Variants in IKZF2 observed in about 807,000 individuals in gnomAD.
IKZF2 encodes zinc finger protein Helios.
Under a neutral mutation model 49.2 loss-of-function variants are expected in IKZF2, and 15 were observed. The ratio of observed to expected loss-of-function variants is 0.30; its 90% CI spans 0.20 to 0.47. The LOEUF (loss-of-function observed/expected upper bound fraction) is 0.47, where lower values mean the gene tolerates loss of function less well. IKZF2 is among the 20% of genes least tolerant of loss of function. IKZF2 has a pLI of 1.00. For missense variants in IKZF2, 567 were observed against 664.6 expected, an observed-to-expected ratio of 0.85 and a Z score of 1.61; for synonymous variants, 227 against 221.4, an observed-to-expected ratio of 1.03 and a Z score of -0.23.
At chr2:213,041,384 T>A (rs13424888) in intron 6 of IKZF2, among the ~76,000 whole-genome samples, 86,497 of 151,066 alleles carry the variant, frequency 0.57, 25,696 homozygotes, top group East Asian at 0.76. Context: ...CCCAGGCTGG[T>A]GTCCGCCTCC....
At chr2:213,120,030 C>T (rs1191147871) in intron 4 of IKZF2, among the ~76,000 whole-genome samples, 1 of 152,216 alleles carries the variant, frequency 6.6e-6, no homozygotes, top group Admixed American at 6.5e-5. Flanking sequence ...AACTCCATCT[C>T]TCTTTCTTCA....
intron 6 of IKZF2, among the ~76,000 whole-genome samples, chr2:213,039,101 C>A (rs1295829871): frequency 6.6e-6 from 1 of 151,750 alleles, no homozygotes; most frequent in Non-Finnish European, 1.5e-5. Flanking sequence ...CTTAAAAATG[C>A]ATGTTAGTTT....
chr2:213,151,197 C>T (rs1214882991), intron 1 of IKZF2, among the ~76,000 whole-genome samples: 1 of 152,006 alleles, frequency 6.6e-6, no homozygotes, highest in East Asian at 1.9e-4. Flanking sequence ...TCCATCCCTC[C>T]CAGAGAAAAA....
intron 6 of IKZF2, among the ~76,000 whole-genome samples, chr2:213,029,894 G>A (rs996937066): frequency 3.3e-5 from 5 of 151,972 alleles, no homozygotes; most frequent in African/African-American, 1.2e-4. Context: ...CACTGAGCTA[G>A]GTAATAAAAT....
rs539647411 is a variant in IKZF2, at chr2:213,147,896, G to T, written c.35-84C>A. The T allele has an allele frequency of 4.5e-6, 4 of 893,336 alleles. No individual in the cohort carries two copies. The African/African-American group carries it at 6.5e-5, about 15-fold the overall frequency. The allele number at this position is 893,336 out of a possible 1,614,324, so 55.3% of individuals were successfully genotyped here. A position where few individuals can be genotyped will look rare whatever the true frequency, so the allele number is the denominator to read the frequency against. On this transcript the variant is annotated intron_variant, in intron 3 of 8. Coordinates refer to ENST00000434687, the MANE Select transcript of IKZF2 (RefSeq NM_001387220.1). Reference sequence around the variant, plus strand: ...CTAACTTTGCTTTATACACGCAATGGCATGCATAGCCTTCAAACTGTAAGG... The same window carrying T: ...CTAACTTTGCTTTATACACGCAATGTCATGCATAGCCTTCAAACTGTAAGG...
At chr2:213,088,038 G>A (rs910253355) in intron 4 of IKZF2, among the ~76,000 whole-genome samples, 2 of 152,186 alleles carry the variant, frequency 1.3e-5, no homozygotes, top group Non-Finnish European at 2.9e-5. Flanking sequence ...GGATGGCTGG[G>A]TCAAATGATA....
At chr2:213,081,499 G>A (rs903612913) in intron 4 of IKZF2, among the ~76,000 whole-genome samples, 6 of 152,112 alleles carry the variant, frequency 3.9e-5, no homozygotes, top group Non-Finnish European at 5.9e-5. Flanking sequence ...TACACTAATA[G>A]ATGTGTGGAC....
chr2:213,008,179 T>C, intron 8 of IKZF2, 95 bp from the exon 9 acceptor site: 1 of 1,348,684 alleles, frequency 7.4e-7, no homozygotes, highest in South Asian at 1.6e-5. Flanking sequence ...CGAAGTTGAC[T>C]GATTGCCTCC....
At chr2:213,091,367 T>C (rs893215741) in intron 4 of IKZF2, among the ~76,000 whole-genome samples, 5 of 152,132 alleles carry the variant, frequency 3.3e-5, no homozygotes, top group Admixed American at 6.6e-5. Flanking sequence ...TGGAGAAATA[T>C]GTAGGAAATA....
In IKZF2 at chr2:213,008,715, C is replaced by T. The variant is rs754626725; in HGVS notation, c.857-631G>A. Among the ~76,000 whole-genome samples the T allele has an allele frequency of 1.3e-3, 190 of 151,950 alleles. 1 individual carries two copies. The highest frequency in any genetic ancestry group is 2.1e-3 in the Non-Finnish European group (141 of 67,946). On this transcript the variant is annotated intron_variant, in intron 8 of 8. Transcript: ENST00000434687. Reference sequence around the variant, plus strand: ...TCAAGGAGAATAGGAGGAAGAATACCCAGTAAAAACAAGTCAGAGACTATG... The same window carrying T: ...TCAAGGAGAATAGGAGGAAGAATACTCAGTAAAAACAAGTCAGAGACTATG...
chr2:213,128,981 T>C (rs1389011458), intron 4 of IKZF2, among the ~76,000 whole-genome samples: 1 of 151,848 alleles, frequency 6.6e-6, no homozygotes, highest in Non-Finnish European at 1.5e-5. Flanking sequence ...GTTGTTGTAC[T>C]ACTCTCTCCC....
intron 6 of IKZF2, among the ~76,000 whole-genome samples, chr2:213,043,709 C>G (rs117057902): frequency 6.6e-6 from 1 of 152,304 alleles, no homozygotes; most frequent in East Asian, 1.9e-4. Flanking sequence ...AGGTCCCTTG[C>G]ATGCGCAGTT....
chr2:213,126,325 T>C lies in IKZF2; in HGVS notation c.139+21383A>G, dbSNP rs1009411267. On this transcript the variant is annotated intron_variant, in intron 4 of 8. Coordinates refer to ENST00000434687, the MANE Select transcript of IKZF2 (RefSeq NM_001387220.1). ...TATGTTATGTGTGTTGATTTCTGCC[T>C]TTCTTTCTCTAAAATCTAAGCTCCT... 2.6e-5 allele frequency among the ~76,000 whole-genome samples: 4 copies of C among 152,302 alleles called. No homozygotes were observed. In the South Asian group the frequency reaches 6.2e-4, roughly 24 times the overall value.
In IKZF2 at chr2:213,002,777, A is replaced by G. The variant is rs1695016839; in HGVS notation, c.*4583T>C. ...CAGATTAGAAAATACAGATTCCAAG[A>G]CTAGAACAATACTAGTCTGGAGATG... On this transcript the variant is annotated 3_prime_UTR_variant, in exon 9 of 9. Coordinates refer to ENST00000434687, the MANE Select transcript of IKZF2 (RefSeq NM_001387220.1). The G allele has an allele frequency of 6.6e-6, 1 of 151,966 alleles. No homozygotes were observed. Among genetic ancestry groups the G allele is most frequent in the Non-Finnish European group, 1.5e-5 (1 of 67,558 alleles). The allele number at this position is 151,966 out of a possible 1,614,324, so 9.4% of individuals were successfully genotyped here. A position where few individuals can be genotyped will look rare whatever the true frequency, so the allele number is the denominator to read the frequency against.
chr2:213,022,069 C>T lies in IKZF2; in HGVS notation c.636G>A (p.Glu212=). Residue 212 remains glutamate (E), a synonymous_variant, in exon 7 of 9, where the codon GAG becomes GAA. Coordinates refer to ENST00000434687, the MANE Select transcript of IKZF2 (RefSeq NM_001387220.1). ...GRSYKQRSSL[E]EHKERCHNYL... Reference sequence around the variant, plus strand: ...AGTTGTGGCAGCGTTCCTTGTGCTCCTCCAGTGAACTGCGCTGCTTGTAGC... The same window carrying T: ...AGTTGTGGCAGCGTTCCTTGTGCTCTTCCAGTGAACTGCGCTGCTTGTAGC... 1 of 1,613,868 alleles carries T rather than the reference C, an allele frequency of 6.2e-7. No individual in the cohort carries two copies. The highest frequency in any genetic ancestry group is 8.5e-7 in the Non-Finnish European group (1 of 1,179,820).
At chr2:213,035,251 A>G (rs1698891394) in intron 6 of IKZF2, among the ~76,000 whole-genome samples, 1 of 138,184 alleles carries the variant, frequency 7.2e-6, no homozygotes, top group African/African-American at 2.5e-5. Flanking sequence ...TAAGTGGAAA[A>G]TCTTTTTTTT....
At chr2:213,022,334 T>C (rs748533825) in intron 6 of IKZF2, among the ~76,000 whole-genome samples, 6 of 152,184 alleles carry the variant, frequency 3.9e-5, no homozygotes, top group Non-Finnish European at 8.8e-5. Context: ...ATCGTACCTC[T>C]GGCAACAGGG....
chr2:213,085,262 A>G (rs965120225), intron 4 of IKZF2, among the ~76,000 whole-genome samples: 1 of 152,224 alleles, frequency 6.6e-6, no homozygotes, highest in African/African-American at 2.4e-5. Flanking sequence ...AAGAGCAATT[A>G]AATATTTTTC....
intron 5 of IKZF2, among the ~76,000 whole-genome samples, chr2:213,052,687 G>A (rs1023622901): frequency 6.6e-6 from 1 of 151,982 alleles, no homozygotes; most frequent in Non-Finnish European, 1.5e-5. Flanking sequence ...AGTATACATA[G>A]TTATATTCCA....
Sources: allele counts gnomAD v4.1 joint callset (sites outside exome capture counted in the v4.1 genomes callset), GRCh38; gene constraint gnomAD v4.1.1; transcripts MANE v1.5; gene names NCBI Gene and HGNC (gene_info 2026-07-23, HGNC 2026-07-21).